The following GALNT10 variants were observed in gnomAD, a reference collection of about 807,000 sequenced individuals.
GALNT10 encodes polypeptide N-acetylgalactosaminyltransferase 10, also known as GalNAc transferase 10.
In GALNT10, 41 loss-of-function variants were observed where a neutral mutation model predicts 75.0. The ratio of observed to expected loss-of-function variants is 0.55; its 90% confidence interval spans 0.43 to 0.71. The LOEUF is 0.71. GALNT10 is among the 30% of genes least tolerant of loss of function. The pLI, the probability that GALNT10 is intolerant of heterozygous loss-of-function variation, is 0.00. For synonymous variants in GALNT10, 302 were observed against 313.0 expected (o/e 0.96, Z 0.37); for missense variants, 727 against 818.5 (o/e 0.89, Z 1.36).
At chr5:154,251,734 A>T (rs1753526291) in intron 1 of GALNT10, among the ~76,000 whole-genome samples, 1 of 151,932 alleles carries the variant, frequency 6.6e-6, no homozygotes, top group South Asian at 2.1e-4. Flanking sequence ...CATCTGGCAC[A>T]TTCCCTACAC....
Position 154,292,292 on chromosome 5 carries a change from G to C in GALNT10, c.160-2524G>C, listed in dbSNP as rs569111352. The stretch of plus-strand genomic sequence containing the variant: ...GCTGGGCCCCATCCCCAGAGCTTCT[G>C]CTTCTAGAGGTCTAGGGTAAGACCC... On this transcript the variant is annotated intron_variant, in intron 1 of 11. Coordinates refer to ENST00000297107, the MANE Select transcript of GALNT10 (RefSeq NM_198321.4). Among the ~76,000 whole-genome samples, 4 of 152,320 alleles carry C rather than the reference G, an allele frequency of 2.6e-5. No individual in the cohort carries two copies. In the South Asian group the frequency reaches 8.3e-4, roughly 32 times the overall value.
chr5:154,255,786 G>A (rs1245195236), intron 1 of GALNT10, among the ~76,000 whole-genome samples: 13 of 151,910 alleles, frequency 8.6e-5, no homozygotes, highest in Non-Finnish European at 2.9e-5. Flanking sequence ...TAAGGGGTAG[G>A]CCTTGTCAGT....
intron 4 of GALNT10, among the ~76,000 whole-genome samples, chr5:154,360,818 G>A (rs1264748232): frequency 1.3e-5 from 2 of 152,154 alleles, no homozygotes; most frequent in Non-Finnish European, 2.9e-5. Context: ...CTATCTTGGA[G>A]AAAAGAAAGT....
chr5:154,260,102 T>C (rs1473695568), intron 1 of GALNT10, among the ~76,000 whole-genome samples: 1 of 152,160 alleles, frequency 6.6e-6, no homozygotes, highest in African/African-American at 2.4e-5. Context: ...TTTGTTTGTG[T>C]GCAGGGGCCA....
chr5:154,325,632 A>C (rs1754745430), intron 3 of GALNT10, among the ~76,000 whole-genome samples: 2 of 97,568 alleles, frequency 2.0e-5, no homozygotes, highest in South Asian at 5.9e-4. Flanking sequence ...CAGTAGATGC[A>C]AAAAAAAAAA....
At chr5:154,268,295 G>A (rs1753807411) in intron 1 of GALNT10, among the ~76,000 whole-genome samples, 1 of 152,160 alleles carries the variant, frequency 6.6e-6, no homozygotes, top group African/African-American at 2.4e-5. Context: ...ATACCACAGT[G>A]TTAGAGGGTC....
At chr5:154,288,291 T>G (rs557949329) in intron 1 of GALNT10, among the ~76,000 whole-genome samples, 1 of 152,286 alleles carries the variant, frequency 6.6e-6, no homozygotes, top group East Asian at 1.9e-4. Context: ...AGTATGCACT[T>G]TAACAAATCT....
intron 1 of GALNT10, among the ~76,000 whole-genome samples, chr5:154,222,232 C>T (rs1350452168): frequency 1.8e-5 from 2 of 112,798 alleles, no homozygotes; most frequent in Non-Finnish European, 4.0e-5. Context: ...TTCCTTTTTG[C>T]CTGTTTTTTT....
At chr5:154,227,359 G>A (rs1753078381) in intron 1 of GALNT10, among the ~76,000 whole-genome samples, 1 of 152,154 alleles carries the variant, frequency 6.6e-6, no homozygotes, top group Non-Finnish European at 1.5e-5. Context: ...ATATGTATGT[G>A]GTGATATCTT....
At chr5:154,225,348 T>C (rs1186097391) in intron 1 of GALNT10, among the ~76,000 whole-genome samples, 2 of 150,056 alleles carry the variant, frequency 1.3e-5, no homozygotes, top group South Asian at 2.1e-4. Flanking sequence ...CACCTCGGCC[T>C]CCCAAAGTGC....
chr5:154,248,128 A>G (rs1753459594), intron 1 of GALNT10, among the ~76,000 whole-genome samples: 1 of 152,156 alleles, frequency 6.6e-6, no homozygotes, highest in African/African-American at 2.4e-5. Context: ...TGATTTTCCT[A>G]TGTTGAACCA....
intron 1 of GALNT10, among the ~76,000 whole-genome samples, chr5:154,279,851 T>G (rs253550): frequency 0.072 from 10,963 of 152,214 alleles, 397 homozygotes; most frequent in Middle Eastern, 0.14. Flanking sequence ...AAATACGTGT[T>G]TTATGCAGTA....
chr5:154,298,199 G>A lies in GALNT10; in HGVS notation c.401+120G>A. On this transcript the variant is annotated intron_variant, in intron 3 of 11. Transcript: ENST00000297107. This position sits in a 1 kb window ranked among gnomAD's most constrained non-coding sequence, Gnocchi z 4.1. ...GACGGAGACACCCTCCTCTTTCACAGGCATTTGTGCAAAGGTTCATGGTGT... is the reference window on the plus strand; with the variant it reads ...GACGGAGACACCCTCCTCTTTCACAAGCATTTGTGCAAAGGTTCATGGTGT... The A allele has an allele frequency of 1.1e-6, 1 of 878,512 alleles. No individual in the cohort carries two copies. Among genetic ancestry groups the A allele is most frequent in the Non-Finnish European group, 1.8e-6 (1 of 550,304 alleles). The allele number at this position is 878,512 out of a possible 1,614,324, so 54.4% of individuals were successfully genotyped here.
At chr5:154,322,847 A>C (rs1754695751) in intron 3 of GALNT10, among the ~76,000 whole-genome samples, 1 of 152,220 alleles carries the variant, frequency 6.6e-6, no homozygotes, top group Admixed American at 6.5e-5. Context: ...TACAGCTACA[A>C]ATCAAGAGAT....
At chr5:154,371,126 G>A (rs986717847) in intron 4 of GALNT10, among the ~76,000 whole-genome samples, 1 of 152,130 alleles carries the variant, frequency 6.6e-6, no homozygotes, top group Admixed American at 6.5e-5. Flanking sequence ...CCAGCTTCTG[G>A]TATTGCTGGC....
intron 1 of GALNT10, among the ~76,000 whole-genome samples, chr5:154,193,298 A>G (rs898257845): frequency 3.9e-5 from 6 of 152,214 alleles, no homozygotes; most frequent in African/African-American, 1.2e-4. Context: ...CTGCCTTTCA[A>G]GAACGCCCTG....
intron 1 of GALNT10, chr5:154,220,477 AC>A (rs1350891779): frequency 2.0e-5 from 3 of 152,260 alleles, no homozygotes; most frequent in Non-Finnish European, 4.4e-5. Flanking sequence ...GGCTGAAGAA[AC>A]TGCACATTTA....
chr5:154,273,249 A>G (rs1365794289), intron 1 of GALNT10, among the ~76,000 whole-genome samples: 1 of 152,198 alleles, frequency 6.6e-6, no homozygotes, highest in Non-Finnish European at 1.5e-5. Context: ...CTTGCTGAGC[A>G]TGCAGTTTTA....
chr5:154,397,870 A>G (rs1756080689), intron 7 of GALNT10, among the ~76,000 whole-genome samples: 1 of 151,956 alleles, frequency 6.6e-6, no homozygotes, highest in African/African-American at 2.4e-5. Context: ...GTTCCCCTCC[A>G]TGGACAATCC....
Sources: gnomAD v4.1 joint callset for allele counts (sites outside exome capture counted in the v4.1 genomes callset) on GRCh38, gnomAD v4.1.1 for gene constraint, Gnocchi (gnomAD v3.1) non-coding constraint, MANE v1.5 for transcripts, NCBI Gene and HGNC (gene_info 2026-07-23, HGNC 2026-07-21) for gene names.